TRMT11: variants seen among roughly 807,000 people sequenced by gnomAD.
TRMT11 encodes the protein tRNA methyltransferase 11.
TRMT11 carries 53 observed loss-of-function variants against 62.8 expected under a neutral mutation model. The observed-to-expected ratio is 0.84, with a 90% CI of 0.68 to 1.06. The LOEUF is 1.06. TRMT11 is among the 50% of genes least tolerant of loss of function. TRMT11 has a pLI of 0.00. For missense variants in TRMT11, 556 were observed against 553.4 expected, an observed-to-expected ratio of 1.00 and a Z score of -0.05; for synonymous variants, 188 against 190.3, an observed-to-expected ratio of 0.99 and a Z score of 0.10.
At chr6:126,175,426 A>ACTG (rs1301053955), upstream of TRMT11, among the ~76,000 whole-genome samples, 1 of 152,166 alleles carries the variant, frequency 6.6e-6, no homozygotes, top group Non-Finnish European at 1.5e-5. Context: ...AGAGAGGCTG[A>ACTG]CTGTTTTTGT....
chr6:126,224,457 G>A, the TRMT11 span, among the ~76,000 whole-genome samples: 2 of 152,192 alleles, frequency 1.3e-5, no homozygotes, highest in East Asian at 1.9e-4. Context: ...CTAATGCCGG[G>A]GGGCTGGGAC....
At chr6:126,114,160 A>T (rs556833342) in intron 18 of TRMT11, among the ~76,000 whole-genome samples, 2 of 152,258 alleles carry the variant, frequency 1.3e-5, no homozygotes, top group South Asian at 4.1e-4. Flanking sequence ...CTGCACACAG[A>T]CACAAACACA....
chr6:126,252,637 T>G, the TRMT11 span, among the ~76,000 whole-genome samples: 778 of 152,272 alleles, frequency 5.1e-3, 9 homozygotes, highest in African/African-American at 0.018. Flanking sequence ...ATGGTTTGCC[T>G]CTTTACAGAA....
At chr6:126,030,074 T>A (rs187906296) in intron 12 of TRMT11, among the ~76,000 whole-genome samples, 1 of 152,368 alleles carries the variant, frequency 6.6e-6, no homozygotes, top group African/African-American at 2.4e-5. Context: ...AATACCTAAT[T>A]CAAGGATGAA....
chr6:126,151,896 C>CT (rs1778056399), intron 21 of TRMT11, among the ~76,000 whole-genome samples: 1 of 52,144 alleles, frequency 1.9e-5, no homozygotes, highest in African/African-American at 1.4e-4. Flanking sequence ...TTGTCTTTTT[C>CT]TTTCTTTTCT....
chr6:126,091,535 T>C (rs898094876), intron 17 of TRMT11, among the ~76,000 whole-genome samples: 6 of 152,036 alleles, frequency 3.9e-5, no homozygotes, highest in African/African-American at 1.5e-4. Flanking sequence ...TTGGGGGAGG[T>C]GGCTGCCCCA....
chr6:126,078,565 G>A (rs1672740311), intron 17 of TRMT11, among the ~76,000 whole-genome samples: 1 of 152,034 alleles, frequency 6.6e-6, no homozygotes, highest in Non-Finnish European at 1.5e-5. Context: ...CGTCCTTACT[G>A]CGCATTTGTC....
chr6:126,185,454 T>C (rs1226904704), intron 1 of TRMT11, among the ~76,000 whole-genome samples: 1 of 144,940 alleles, frequency 6.9e-6, no homozygotes, highest in Non-Finnish European at 1.5e-5. Context: ...CTAAAATACA[T>C]ATTGCATATC....
chr6:126,126,792 A>T (rs981898114), intron 21 of TRMT11, among the ~76,000 whole-genome samples: 4 of 152,138 alleles, frequency 2.6e-5, no homozygotes, highest in Non-Finnish European at 4.4e-5. Context: ...ATCAAAAAAG[A>T]GGGTTCAAAT....
intron 21 of TRMT11, among the ~76,000 whole-genome samples, chr6:126,157,572 TA>T (rs1183230975): frequency 6.6e-6 from 1 of 152,190 alleles, no homozygotes; most frequent in East Asian, 1.9e-4. Context: ...GCAGGGAAGA[TA>T]AGGAGAACTA....
chr6:126,026,511 C>T (rs1181076098), intron 12 of TRMT11, among the ~76,000 whole-genome samples: 2 of 151,956 alleles, frequency 1.3e-5, no homozygotes, highest in African/African-American at 4.8e-5. Context: ...CTCAGCCTCC[C>T]GAGTAGCTGG....
intron 5 of TRMT11, 65 bp downstream of exon 5, chr6:125,998,380 A>G: frequency 7.8e-7 from 1 of 1,283,584 alleles, no homozygotes; most frequent in Non-Finnish European, 1.1e-6. Flanking sequence ...GTTGATATAT[A>G]GGAATACCTA....
chr6:126,176,105 A>G (rs1408414483), upstream of TRMT11, among the ~76,000 whole-genome samples: 1 of 152,206 alleles, frequency 6.6e-6, no homozygotes, highest in Non-Finnish European at 1.5e-5. Context: ...GGAAGCAGGA[A>G]TTAACACCTT....
rs561283484 is a variant in TRMT11 at position 126,021,876 on chromosome 6, A to G, written c.1260+596A>G. 1.4e-4 allele frequency among the ~76,000 whole-genome samples: 21 copies of G among 152,276 alleles called. No homozygotes were observed. The South Asian group carries it at 4.3e-3, about 32-fold the overall frequency. ...CATGCCCAGACGAGAGTTGACATGAATAGTGCCTCATAATGGAGCTTAATT... is the reference window on the plus strand; with the variant it reads ...CATGCCCAGACGAGAGTTGACATGAGTAGTGCCTCATAATGGAGCTTAATT... On this transcript the variant is annotated intron_variant, in intron 12 of 12. Coordinates refer to ENST00000334379, the MANE Select transcript of TRMT11 (RefSeq NM_001031712.3).
intron 1 of TRMT11, among the ~76,000 whole-genome samples, chr6:126,192,677 T>G (rs1296703726): frequency 6.6e-6 from 1 of 152,170 alleles, no homozygotes; most frequent in Non-Finnish European, 1.5e-5. Context: ...ATCAAATAAT[T>G]TTTCAATATC....
At chr6:126,091,145 A>G (rs1275779088) in intron 17 of TRMT11, among the ~76,000 whole-genome samples, 2 of 151,430 alleles carry the variant, frequency 1.3e-5, no homozygotes, top group Non-Finnish European at 2.9e-5. Flanking sequence ...TGGAGGTTGC[A>G]GTGAGCCGAG....
chr6:126,021,861 C>T (rs1041355980), intron 12 of TRMT11, among the ~76,000 whole-genome samples: 4 of 151,996 alleles, frequency 2.6e-5, no homozygotes, highest in South Asian at 2.1e-4. Flanking sequence ...CATGCCCAGA[C>T]GAGAGTTGAC....
intron 21 of TRMT11, among the ~76,000 whole-genome samples, chr6:126,149,993 C>A (rs570504531): frequency 2.0e-5 from 3 of 152,172 alleles, no homozygotes; most frequent in Non-Finnish European, 4.4e-5. Flanking sequence ...GACTTGAATT[C>A]TTTTTCCCTC....
chr6:126,120,751 T>C (rs1777640419), intron 21 of TRMT11, among the ~76,000 whole-genome samples: 1 of 152,162 alleles, frequency 6.6e-6, no homozygotes, highest in Non-Finnish European at 1.5e-5. Flanking sequence ...TCTAAGCTTT[T>C]CCCCTGGAAC....
Sources: allele counts gnomAD v4.1 joint callset (sites outside exome capture counted in the v4.1 genomes callset), GRCh38; gene constraint gnomAD v4.1.1; transcripts MANE v1.5; gene names NCBI Gene and HGNC (gene_info 2026-07-23, HGNC 2026-07-21).